WWOX: variants seen among roughly 807,000 people sequenced by gnomAD.
The protein encoded by WWOX is WW domain containing oxidoreductase.
WWOX carries 69 observed loss-of-function variants against 46.2 expected under a neutral mutation model. The observed-to-expected ratio is 1.49, with a 90% confidence interval of 1.23 to 1.82. WWOX has a LOEUF of 1.82. Ranked by LOEUF, WWOX falls within the 40% of genes most tolerant of loss-of-function variation. The pLI, the probability that WWOX is intolerant of heterozygous loss-of-function variation, is 0.00. For missense variants in WWOX, 919 were observed against 542.6 expected, an observed-to-expected ratio of 1.69 and a Z score of -6.89; for synonymous variants, 359 against 202.6, an observed-to-expected ratio of 1.77 and a Z score of -6.56.
intron 8 of WWOX, among the ~76,000 whole-genome samples, chr16:78,879,276 A>G (rs928023181): frequency 6.6e-6 from 1 of 152,186 alleles, no homozygotes; most frequent in Admixed American, 6.5e-5. Flanking sequence ...GCAAGTGAAG[A>G]TTGCATCTCA....
At chr16:78,320,162 G>T (rs1241799811) in intron 5 of WWOX, among the ~76,000 whole-genome samples, 1 of 152,162 alleles carries the variant, frequency 6.6e-6, no homozygotes, top group Non-Finnish European at 1.5e-5. Context: ...ACTGTATACA[G>T]AGTCTGAGCC....
chr16:78,311,871 A>G (rs986003379), intron 5 of WWOX, among the ~76,000 whole-genome samples: 1 of 152,160 alleles, frequency 6.6e-6, no homozygotes, highest in African/African-American at 2.4e-5. Context: ...TTATTTTCTT[A>G]AAGTTCTGGA....
intron 8 of WWOX, among the ~76,000 whole-genome samples, chr16:78,687,503 G>A (rs748174673): frequency 5.9e-5 from 9 of 152,148 alleles, no homozygotes; most frequent in African/African-American, 9.7e-5. Flanking sequence ...TTCTCAGGGC[G>A]TCCTAATTGT....
chr16:78,647,537 C>T (rs2046872504), intron 8 of WWOX, among the ~76,000 whole-genome samples: 1 of 152,160 alleles, frequency 6.6e-6, no homozygotes, highest in Non-Finnish European at 1.5e-5. Flanking sequence ...TATGCTAAGC[C>T]TAATCTCCAT....
At chr16:78,164,987 G>A (rs2034924605) in intron 5 of WWOX, among the ~76,000 whole-genome samples, 1 of 152,230 alleles carries the variant, frequency 6.6e-6, no homozygotes, top group African/African-American at 2.4e-5. Context: ...CAGATGTCAA[G>A]AGAAGTATTC....
At chr16:79,189,226 G>T (rs537615144) in intron 8 of WWOX, among the ~76,000 whole-genome samples, 2 of 152,150 alleles carry the variant, frequency 1.3e-5, no homozygotes, top group South Asian at 4.1e-4. Context: ...ATTTGGAACA[G>T]GCATCTATTA....
chr16:78,764,690 C>T (rs1358326220), intron 8 of WWOX, among the ~76,000 whole-genome samples: 1 of 150,326 alleles, frequency 6.7e-6, no homozygotes, highest in Non-Finnish European at 1.5e-5. Flanking sequence ...GCCTCAGTTT[C>T]CTCATCTGCA....
chr16:78,203,366 TG>T (rs2036291697), intron 5 of WWOX, among the ~76,000 whole-genome samples: 1 of 152,128 alleles, frequency 6.6e-6, no homozygotes, highest in Admixed American at 6.5e-5. Context: ...AGTTTAATGA[TG>T]GGTAGGTTCA....
At chr16:78,289,366 A>C (rs2079822723) in intron 5 of WWOX, among the ~76,000 whole-genome samples, 2 of 152,314 alleles carry the variant, frequency 1.3e-5, no homozygotes, top group South Asian at 2.1e-4. Flanking sequence ...GAGCTCGAAT[A>C]GTCTAAGATT....
At chr16:78,577,378 G>A (rs1479236406) in intron 8 of WWOX, among the ~76,000 whole-genome samples, 1 of 152,142 alleles carries the variant, frequency 6.6e-6, no homozygotes. Flanking sequence ...TTAAAACTGA[G>A]CATTTGTCCC....
intron 8 of WWOX, among the ~76,000 whole-genome samples, chr16:78,923,979 T>C (rs1211096846): frequency 1.3e-5 from 2 of 151,860 alleles, no homozygotes; most frequent in Non-Finnish European, 2.9e-5. Flanking sequence ...TTTTGTTTTA[T>C]TTTGTTTTGT....
At chr16:78,900,263 A>G (rs2044797421) in intron 8 of WWOX, among the ~76,000 whole-genome samples, 3 of 152,076 alleles carry the variant, frequency 2.0e-5, no homozygotes, top group African/African-American at 7.2e-5. Context: ...GTCAGCTCAG[A>G]CACTGAAGGG....
chr16:78,162,379 C>T (rs2034822950), intron 4 of WWOX, among the ~76,000 whole-genome samples: 1 of 151,652 alleles, frequency 6.6e-6, no homozygotes, highest in Admixed American at 6.6e-5. Context: ...CTTGCTTTGA[C>T]ATGTATGTGT....
At chr16:78,152,403 G>C (rs994512449) in intron 4 of WWOX, among the ~76,000 whole-genome samples, 3 of 152,114 alleles carry the variant, frequency 2.0e-5, no homozygotes, top group Non-Finnish European at 2.9e-5. Context: ...TCTATTTGTA[G>C]GATAAATTTC....
chr16:78,638,373 C>G (rs1597380623), intron 8 of WWOX, among the ~76,000 whole-genome samples: 2 of 152,140 alleles, frequency 1.3e-5, no homozygotes, highest in Non-Finnish European at 2.9e-5. Context: ...ATTCCCTGTC[C>G]TTTCCCCCTC....
chr16:78,157,809 G>T (rs1299495145), intron 4 of WWOX, among the ~76,000 whole-genome samples: 1 of 152,176 alleles, frequency 6.6e-6, no homozygotes, highest in Non-Finnish European at 1.5e-5. Context: ...AGCACATCTA[G>T]GAGCAAGTTT....
chr16:78,960,815 C>T lies in WWOX; in HGVS notation c.1057-250793C>T, dbSNP rs145258887. On this transcript the variant is annotated intron_variant, in intron 8 of 8. Coordinates refer to ENST00000566780, the MANE Select transcript of WWOX (RefSeq NM_016373.4). ...TTTTTTTGTCTTCTTGTTAAACTAG[C>T]ATCCTGTTTTACTGAATCTCTGCCT... is the stretch of plus-strand genomic sequence containing the variant. Among the ~76,000 whole-genome samples, 8 of 152,282 alleles carry T rather than the reference C, an allele frequency of 5.3e-5. No homozygotes were observed. In the East Asian group the frequency reaches 1.5e-3, roughly 29 times the overall value.
intron 5 of WWOX, among the ~76,000 whole-genome samples, chr16:78,228,155 A>G (rs1198402897): frequency 6.6e-6 from 1 of 152,052 alleles, no homozygotes; most frequent in East Asian, 1.9e-4. Context: ...GCCTTTGCAT[A>G]GAGAGAGAAG....
intron 8 of WWOX, among the ~76,000 whole-genome samples, chr16:78,933,912 C>T (rs929792437): frequency 1.3e-4 from 20 of 152,086 alleles, no homozygotes; most frequent in African/African-American, 4.8e-4. Context: ...ATAACTATAG[C>T]TGGGTGAAGT....
Sources: gnomAD v4.1 joint callset for allele counts (sites outside exome capture counted in the v4.1 genomes callset) on GRCh38, gnomAD v4.1.1 for gene constraint, MANE v1.5 for transcripts, NCBI Gene and HGNC (gene_info 2026-07-23, HGNC 2026-07-21) for gene names.